Variants in DGKB observed in about 807,000 individuals in gnomAD.
DGKB encodes the protein 90 kDa diacylglycerol kinase.
DGKB carries 67 observed loss-of-function variants against 114.3 expected under a neutral mutation model. The observed-to-expected ratio is 0.59, with a 90% confidence interval of 0.48 to 0.72. The LOEUF (loss-of-function observed/expected upper bound fraction) is 0.72, where lower values mean the gene tolerates loss of function less well. Among genes scored for constraint, DGKB ranks in the 30% least tolerant of loss-of-function variants. The probability of loss-of-function intolerance (pLI) is 0.00; values close to 1 mark genes in which losing one functional copy is unlikely to be tolerated. For synonymous variants in DGKB, 398 were observed against 323.1 expected (o/e 1.23, Z -2.49); for missense variants, 907 against 975.2 (o/e 0.93, Z 0.93).
At chr7:14,762,490 C>T (rs1835852916) in intron 2 of DGKB, among the ~76,000 whole-genome samples, 1 of 152,140 alleles carries the variant, frequency 6.6e-6, no homozygotes, top group African/African-American at 2.4e-5. Flanking sequence ...ATTAAAGACC[C>T]TTTACATTAG....
chr7:14,215,064 C>T (rs115165328), intron 23 of DGKB, among the ~76,000 whole-genome samples: 1 of 152,130 alleles, frequency 6.6e-6, no homozygotes, highest in Non-Finnish European at 1.5e-5. Flanking sequence ...TACACTCATC[C>T]TGATGGCAAA....
intron 20 of DGKB, among the ~76,000 whole-genome samples, chr7:14,557,672 A>G (rs1796068082): frequency 6.6e-6 from 1 of 151,944 alleles, no homozygotes; most frequent in African/African-American, 2.4e-5. Context: ...AAATCTTCAT[A>G]TATTTGTTAA....
chr7:14,698,705 G>A (rs1271349109), intron 7 of DGKB, among the ~76,000 whole-genome samples: 2 of 152,056 alleles, frequency 1.3e-5, no homozygotes, highest in Non-Finnish European at 2.9e-5. Flanking sequence ...TTTGTGAGAG[G>A]ATGAAATTTT....
At chr7:14,894,175 A>G (rs1352829285) in intron 1 of DGKB, among the ~76,000 whole-genome samples, 10 of 151,434 alleles carry the variant, frequency 6.6e-5, no homozygotes, top group Non-Finnish European at 1.3e-4. Context: ...GTGAAGGACT[A>G]TAAGAAGTTC....
chr7:14,338,487 T>G, intron 23 of DGKB, 28 bp downstream of exon 23: 1 of 1,458,838 alleles, frequency 6.9e-7, no homozygotes, highest in Non-Finnish European at 9.2e-7. Context: ...TAACAAGCAA[T>G]TTAACAACTA....
At position 14,621,228 on chromosome 7, in the gene DGKB, T is replaced by A. The variant is rs758435460; in HGVS notation, c.1284+150A>T. ...CTGTCAATCAACCGTAAGACTGACA[T>A]CTTGATAAATTAATAAAGATCTTTC... On this transcript the variant is annotated intron_variant, in intron 15 of 25. Coordinates refer to ENST00000402815, the MANE Select transcript of DGKB (RefSeq NM_001350709.2). 281 of 574,554 alleles carry A rather than the reference T, an allele frequency of 4.9e-4. 2 individuals carry two copies. Among genetic ancestry groups the A allele is most frequent in the Middle Eastern group, 3.2e-4 (1 of 3,094 alleles). 35.6% of individuals were successfully genotyped at this position (574,554 alleles called of 1,614,324 possible).
intron 20 of DGKB, among the ~76,000 whole-genome samples, chr7:14,503,972 A>G (rs1786615027): frequency 6.6e-6 from 1 of 152,208 alleles, no homozygotes; most frequent in Admixed American, 6.5e-5. Flanking sequence ...TTAGAAAATG[A>G]AAATGTACTG....
At chr7:14,906,748 G>A (rs1030576287), upstream of DGKB, among the ~76,000 whole-genome samples, 2 of 152,136 alleles carry the variant, frequency 1.3e-5, no homozygotes, top group Admixed American at 1.3e-4. Context: ...ACAGTGCCCG[G>A]CCTCCAGAAA....
At chr7:14,743,814 T>A (rs924772838) in intron 4 of DGKB, among the ~76,000 whole-genome samples, 45 of 152,188 alleles carry the variant, frequency 3.0e-4, no homozygotes, top group African/African-American at 1.0e-3. Flanking sequence ...GGTCATTTTG[T>A]TATTCATAAA....
At chr7:14,559,313 T>C (rs368269155) in intron 20 of DGKB, among the ~76,000 whole-genome samples, 10 of 152,190 alleles carry the variant, frequency 6.6e-5, no homozygotes, top group Admixed American at 6.5e-4. Context: ...CTATATCATG[T>C]TATGTCTCTA....
At chr7:14,919,129 TTA>T (rs1326019718) in intron 1 of DGKB, among the ~76,000 whole-genome samples, 2 of 97,200 alleles carry the variant, frequency 2.1e-5, no homozygotes, top group Non-Finnish European at 4.0e-5. Flanking sequence ...CACACAAAGT[TTA>T]TATGGAAAGA....
intron 23 of DGKB, among the ~76,000 whole-genome samples, chr7:14,308,249 C>G (rs908229083): frequency 6.6e-6 from 1 of 151,948 alleles, no homozygotes; most frequent in Admixed American, 6.6e-5. Flanking sequence ...TTTTTAATGG[C>G]TATGCCATGA....
chr7:14,230,006 G>A, intron 23 of DGKB, among the ~76,000 whole-genome samples: 1 of 152,080 alleles, frequency 6.6e-6, no homozygotes, highest in South Asian at 2.1e-4. Context: ...AAGATTTGTG[G>A]TGGAGGAGGT....
At chr7:14,576,752 A>G (rs140187215) in intron 19 of DGKB, among the ~76,000 whole-genome samples, 50 of 152,318 alleles carry the variant, frequency 3.3e-4, no homozygotes, top group Non-Finnish European at 2.9e-4. Flanking sequence ...GTGAAAATCA[A>G]TTACCACATC....
At chr7:14,887,835 G>A (rs941492190) in intron 1 of DGKB, among the ~76,000 whole-genome samples, 3 of 151,496 alleles carry the variant, frequency 2.0e-5, no homozygotes, top group African/African-American at 7.3e-5. Context: ...CTGCATTTCC[G>A]ATGTCTAGAA....
chr7:14,788,513 A>T (rs1343100647), intron 2 of DGKB, among the ~76,000 whole-genome samples: 2 of 152,092 alleles, frequency 1.3e-5, no homozygotes, highest in African/African-American at 4.8e-5. Flanking sequence ...CTACACTCCA[A>T]CACCTTTTTT....
chr7:14,441,068 G>A (rs1830021359), intron 21 of DGKB, among the ~76,000 whole-genome samples: 1 of 151,950 alleles, frequency 6.6e-6, no homozygotes, highest in African/African-American at 2.4e-5. Context: ...CCAGGCTGGA[G>A]TACAGCGGCA....
At chr7:14,884,470 G>GA (rs1854710462) in intron 1 of DGKB, among the ~76,000 whole-genome samples, 1 of 151,896 alleles carries the variant, frequency 6.6e-6, no homozygotes, top group African/African-American at 2.4e-5. Context: ...ACCTTGGAAG[G>GA]TTTTCACACA....
chr7:14,844,618 A>C (rs1440129754), intron 1 of DGKB, among the ~76,000 whole-genome samples: 3 of 151,990 alleles, frequency 2.0e-5, no homozygotes, highest in Admixed American at 6.5e-5. Flanking sequence ...TAGCTTCTTA[A>C]CTCGCTCCCT....
Sources: allele counts gnomAD v4.1 joint callset (sites outside exome capture counted in the v4.1 genomes callset), GRCh38; gene constraint gnomAD v4.1.1; transcripts MANE v1.5; gene names NCBI Gene and HGNC (gene_info 2026-07-23, HGNC 2026-07-21).